NR1H3: variants seen among roughly 807,000 people sequenced by gnomAD.
The protein encoded by NR1H3 is nuclear receptor subfamily 1 group H member 3, also known as oxysterols receptor LXR-alpha.
Under a neutral mutation model 48.1 loss-of-function variants are expected in NR1H3, and 19 were observed. The ratio of observed to expected loss-of-function variants is 0.40; its 90% CI spans 0.28 to 0.58. The LOEUF is 0.58. Among genes scored for constraint, NR1H3 ranks in the 20% least tolerant of loss-of-function variants. The pLI is 0.50. For missense variants in NR1H3, 486 were observed against 595.9 expected (o/e 0.82, Z 1.92); for synonymous variants, 232 against 227.3 (o/e 1.02, Z -0.19).
rs187431805 is a variant in NR1H3 at position 47,267,309 on chromosome 11, A to C, written c.989-604A>C. ...GTGATAGAACAAGACCCTGTCTCAAAGAAAAAAAACAAGAATACCAGAATT... is the reference window on the plus strand; with the variant it reads ...GTGATAGAACAAGACCCTGTCTCAACGAAAAAAAACAAGAATACCAGAATT... On this transcript the variant is annotated intron_variant, in intron 7 of 9. Coordinates refer to ENST00000441012, the MANE Select transcript of NR1H3 (RefSeq NM_005693.4). Among the ~76,000 whole-genome samples the C allele has an allele frequency of 8.9e-4, 135 of 152,278 alleles. 2 individuals are homozygous for C. The highest frequency in any genetic ancestry group is 3.2e-3 in the African/African-American group (132 of 41,558).
chr11:47,268,145 G>A (rs1957114052), intron 8 of NR1H3, 116 bp from the exon 9 acceptor site: 7 of 1,228,192 alleles, frequency 5.7e-6, no homozygotes, highest in Non-Finnish European at 8.3e-6. Context: ...CATTTGCTGT[G>A]TTATTTTAGG....
At position 47,259,777 on chromosome 11, in the gene NR1H3, C is replaced by T; in HGVS notation, c.44-14C>T. On this transcript the variant is annotated splice_polypyrimidine_tract_variant and intron_variant, in intron 2 of 9. Coordinates refer to ENST00000441012, the MANE Select transcript of NR1H3 (RefSeq NM_005693.4). ...GGGCCTGAGACCCCCTTGTGCCTCT[C>T]TTTTGGAGCTCAGACTCTGCGGTGG... The T allele has an allele frequency of 6.2e-7, 1 of 1,611,930 alleles. No individual in the cohort carries two copies. Among genetic ancestry groups the T allele is most frequent in the Non-Finnish European group, 8.5e-7 (1 of 1,179,858 alleles).
At position 47,260,413 on chromosome 11, in the gene NR1H3, C is replaced by G. The variant is rs1206785106; in HGVS notation, c.237C>G (p.Ile79Met). The G allele has an allele frequency of 6.2e-7, 1 of 1,610,562 alleles. No homozygotes were observed. The highest frequency in any genetic ancestry group is 1.3e-5 in the African/African-American group (1 of 74,822). ...GAAGCACTTTCCTGTATCCAGAGAT[C>G]CGTCCACAAAAGCGGAAAAAGGGGC... ...RAEPPSEPTE[I>M]RPQKRKKGPA... Residue 79 changes from isoleucine (I) to methionine (M), a missense_variant, in exon 4 of 10, where the codon ATC becomes ATG. By Grantham distance (10) the Ile-to-Met change is conservative (BLOSUM62 1). Coordinates refer to ENST00000441012, the MANE Select transcript of NR1H3 (RefSeq NM_005693.4).
At chr11:47,264,482 G>A (rs985024522) in intron 7 of NR1H3, among the ~76,000 whole-genome samples, 1 of 152,174 alleles carries the variant, frequency 6.6e-6, no homozygotes, top group Non-Finnish European at 1.5e-5. Context: ...ACCTAATGGG[G>A]TGATTTAATG....
At chr11:47,266,129 G>A (rs991205111) in intron 7 of NR1H3, among the ~76,000 whole-genome samples, 1 of 152,042 alleles carries the variant, frequency 6.6e-6, no homozygotes, top group Non-Finnish European at 1.5e-5. Flanking sequence ...TACATGAAAT[G>A]TATCTCTAGT....
At chr11:47,257,455 G>A (rs1016664276), upstream of NR1H3, 1 of 163,168 alleles carries the variant, frequency 6.1e-6, no homozygotes. Flanking sequence ...GAAACTCCCT[G>A]GAAGGCCCAG....
At position 47,250,878 on chromosome 11, in the gene NR1H3, T is replaced by C. The variant is rs113317339; in HGVS notation, c.-93+1879T>C. 7.4e-3 allele frequency among the ~76,000 whole-genome samples: 1,133 copies of C among 152,316 alleles called. 17 individuals are homozygous for C. The highest frequency in any genetic ancestry group is 0.025 in the African/African-American group (1,047 of 41,588). On this transcript the variant is annotated intron_variant, in intron 1 of 8. Transcript: ENST00000395397. Reference sequence around the variant, plus strand: ...TTGAGAATGGATTAAAAGTCAAGTTTTGGCCGGGTGCGTGCTCACGCCTGT... The same window carrying C: ...TTGAGAATGGATTAAAAGTCAAGTTCTGGCCGGGTGCGTGCTCACGCCTGT...
Position 47,261,643 on chromosome 11 carries a change from G to C in NR1H3, c.805G>C (p.Val269Leu), listed in dbSNP as rs1242310001. The change falls in exon 6 of 10, where the codon GTT becomes CTT. Residue 269 changes from valine (V) to leucine (L), a missense_variant. By Grantham distance (32) the Val-to-Leu change is conservative. Coordinates refer to ENST00000441012, the MANE Select transcript of NR1H3 (RefSeq NM_005693.4). ...ELAIVSVQEI[V>L]DFAKQLPGFL... ...GGCCATCGTCTCTGTGCAGGAGATAGTTGACTTTGCTAAACAGCTACCCGG... is the reference window on the plus strand; with the variant it reads ...GGCCATCGTCTCTGTGCAGGAGATACTTGACTTTGCTAAACAGCTACCCGG... 2 of 1,614,238 alleles carry C rather than the reference G, an allele frequency of 1.2e-6. No homozygotes were observed. The highest frequency in any genetic ancestry group is 1.7e-5 in the Admixed American group (1 of 60,016).
At chr11:47,260,280 T>C (rs1955694941) in intron 3 of NR1H3, 129 bp from the exon 4 acceptor site, 1 of 1,318,010 alleles carries the variant, frequency 7.6e-7, no homozygotes, top group Non-Finnish European at 1.0e-6. Context: ...ACTCTTCTCA[T>C]AAAAGAGAGA....
intron 2 of NR1H3, 157 bp from the exon 3 acceptor site, chr11:47,259,634 G>C (rs766593769): frequency 2.7e-6 from 4 of 1,475,352 alleles, no homozygotes; most frequent in Non-Finnish European, 3.6e-6. Context: ...ACTAGTCCTA[G>C]CTAGAGCCCA....
intron 7 of NR1H3, among the ~76,000 whole-genome samples, chr11:47,266,608 A>G (rs1228092867): frequency 2.0e-5 from 3 of 151,042 alleles, no homozygotes; most frequent in Non-Finnish European, 4.4e-5. Context: ...TGCTGGGATT[A>G]TAGGGATAAG....
At chr11:47,263,585 CTTTTTCTTTT>C (rs1373772310) in intron 7 of NR1H3, among the ~76,000 whole-genome samples, 1 of 150,038 alleles carries the variant, frequency 6.7e-6, no homozygotes, top group African/African-American at 2.5e-5. Flanking sequence ...CTCCCCTACT[CTTTTTCTTTT>C]TTTTTCTTTT....
rs1955715527 is a variant in NR1H3, at chr11:47,260,430, A to G, written c.254A>G (p.Lys85Arg). ...EPTEIRPQKRKKGPAPKMLGN... is the reference protein window; with the variant it reads ...EPTEIRPQKRRKGPAPKMLGN... ...CCAGAGATCCGTCCACAAAAGCGGAAAAAGGGGCCAGCCCCCAAAATGCTG... is the reference window on the plus strand; with the variant it reads ...CCAGAGATCCGTCCACAAAAGCGGAGAAAGGGGCCAGCCCCCAAAATGCTG... The change falls in exon 4 of 10, where the codon AAA (lysine) becomes AGA (arginine). Residue 85 changes from lysine (K) to arginine (R), a missense_variant. Transcript: ENST00000441012. 2 of 1,613,316 alleles carry G rather than the reference A, an allele frequency of 1.2e-6. No individual in the cohort carries two copies.
intron 3 of NR1H3, 34 bp from the exon 4 acceptor site, chr11:47,260,374 CG>C: frequency 6.3e-7 from 1 of 1,575,452 alleles, no homozygotes; most frequent in Non-Finnish European, 8.6e-7. Context: ...TGTTTTTCCT[CG>C]GGGGAGAGCG....
chr11:47,261,160 C>T, intron 4 of NR1H3, 81 bp from the exon 5 acceptor site: 1 of 920,820 alleles, frequency 1.1e-6, no homozygotes, highest in Non-Finnish European at 1.6e-6. Flanking sequence ...TTGCCCCATC[C>T]TTCCCTCCTG....
In NR1H3 at chr11:47,259,946, C is replaced by G. The variant is rs776694409; in HGVS notation, c.199C>G (p.Leu67Val). The change falls in exon 3 of 10, where the codon CTC becomes GTC. Residue 67 changes from leucine (L) to valine (V), a missense_variant. Transcript: ENST00000441012. ...GLEAAEPTAL[L>V]TRAEPPSEPT... is the part of the protein sequence containing the mutation. ...GGAGGCTGCAGAGCCCACAGCCCTGCTCACCAGGGCAGAGCCCCCTTCAGA... is the reference window on the plus strand; with the variant it reads ...GGAGGCTGCAGAGCCCACAGCCCTGGTCACCAGGGCAGAGCCCCCTTCAGA... The G allele has an allele frequency of 8.3e-6, 13 of 1,575,456 alleles. No individual in the cohort carries two copies. In the African/African-American group the frequency reaches 1.8e-4, roughly 21 times the overall value.
chr11:47,261,472 G>A (rs764844629), intron 5 of NR1H3, 23 bp downstream of exon 5: 2 of 1,612,102 alleles, frequency 1.2e-6, no homozygotes, highest in South Asian at 1.1e-5. Context: ...CCTGGGGAGA[G>A]GCGGCTGCGC....
intron 1 of NR1H3, among the ~76,000 whole-genome samples, chr11:47,252,571 TG>T (rs1434939023): frequency 6.6e-6 from 1 of 150,602 alleles, no homozygotes; most frequent in African/African-American, 2.4e-5. Flanking sequence ...CTGTTTTTTT[TG>T]TTTGTTTTGT....
intron 7 of NR1H3, among the ~76,000 whole-genome samples, chr11:47,265,623 C>CAA (rs1246494719): frequency 1.3e-5 from 2 of 152,140 alleles, no homozygotes; most frequent in Non-Finnish European, 2.9e-5. Context: ...CCTGTAATCC[C>CAA]AGTACTTTGG....
Sources: allele counts gnomAD v4.1 joint callset (sites outside exome capture counted in the v4.1 genomes callset), GRCh38; gene constraint gnomAD v4.1.1; transcripts MANE v1.5; gene names NCBI Gene and HGNC (gene_info 2026-07-23, HGNC 2026-07-21).